ERBB4: variants seen among roughly 807,000 people sequenced by gnomAD.
ERBB4 encodes erb-b2 receptor tyrosine kinase 4, also known as receptor tyrosine-protein kinase erbB-4.
ERBB4 carries 42 observed loss-of-function variants against 158.0 expected under a neutral mutation model. The observed-to-expected ratio is 0.27, with a 90% CI of 0.21 to 0.34. The LOEUF is 0.34. ERBB4 is among the 10% of genes least tolerant of loss of function. The probability of loss-of-function intolerance (pLI) is 1.00; values close to 1 mark genes in which losing one functional copy is unlikely to be tolerated. For missense variants in ERBB4, 1,333 were observed against 1,624.1 expected (o/e 0.82, Z 3.08); for synonymous variants, 583 against 558.7 (o/e 1.04, Z -0.61).
chr2:211,861,881 T>C (rs1043168309), intron 3 of ERBB4, among the ~76,000 whole-genome samples: 1 of 139,852 alleles, frequency 7.2e-6, no homozygotes, highest in Non-Finnish European at 1.6e-5. Flanking sequence ...TAAAATGAAA[T>C]GCTAATTTTT....
At position 211,750,716 on chromosome 2, in the gene ERBB4, G is replaced by A. The variant is rs373216040; in HGVS notation, c.557-12C>T. ...ATGGCAACGTCCACCTGCAGAACACGAAAAGGGAAAAAGGACATGCACGTT... is the reference window on the plus strand; with the variant it reads ...ATGGCAACGTCCACCTGCAGAACACAAAAAGGGAAAAAGGACATGCACGTT... On this transcript the variant is annotated splice_polypyrimidine_tract_variant and intron_variant, in intron 4 of 27. Transcript: ENST00000342788. The A allele has an allele frequency of 1.7e-5, 27 of 1,611,986 alleles. No homozygotes were observed. The Admixed American group carries it at 2.0e-4, about 12-fold the overall frequency.
chr2:211,862,454 G>A (rs1468564902), intron 3 of ERBB4, among the ~76,000 whole-genome samples: 1 of 151,696 alleles, frequency 6.6e-6, no homozygotes, highest in South Asian at 2.1e-4. Context: ...CAATTTTCCA[G>A]AGATTCCTGT....
intron 1 of ERBB4, among the ~76,000 whole-genome samples, chr2:212,340,989 T>C (rs1262441405): frequency 6.6e-6 from 1 of 152,300 alleles, no homozygotes; most frequent in African/African-American, 2.4e-5. Context: ...TAGGGCTCTT[T>C]GCTTTATTTG....
chr2:212,238,578 A>G lies in ERBB4; in HGVS notation c.83-113675T>C, dbSNP rs1194462706. Among the ~76,000 whole-genome samples the G allele has an allele frequency of 2.0e-5, 3 of 152,210 alleles. No homozygotes were observed. In the East Asian group the frequency reaches 5.8e-4, roughly 29 times the overall value. ...TAAATTTCAAACTTAAATAGTTTTT[A>G]AAATGAAGAGCTTGATTGAAAACTA... On this transcript the variant is annotated intron_variant, in intron 1 of 27. Transcript: ENST00000342788.
intron 4 of ERBB4, among the ~76,000 whole-genome samples, chr2:211,783,721 C>T (rs530613526): frequency 6.6e-6 from 1 of 152,284 alleles, no homozygotes; most frequent in African/African-American, 2.4e-5. Flanking sequence ...ATGAAGCCCA[C>T]TTGATCATGG....
chr2:211,565,694 G>C (rs1399873772), intron 19 of ERBB4, among the ~76,000 whole-genome samples: 2 of 152,164 alleles, frequency 1.3e-5, no homozygotes, highest in African/African-American at 4.8e-5. Flanking sequence ...TGCAGTGTTT[G>C]ATGGGGTATG....
At chr2:211,560,479 G>C (rs1247715658) in intron 20 of ERBB4, among the ~76,000 whole-genome samples, 1 of 151,290 alleles carries the variant, frequency 6.6e-6, no homozygotes, top group Non-Finnish European at 1.5e-5. Context: ...TCTCCATGTT[G>C]GTCAGGCTGG....
At chr2:212,283,714 C>T (rs1380077404) in intron 1 of ERBB4, among the ~76,000 whole-genome samples, 2 of 151,944 alleles carry the variant, frequency 1.3e-5, no homozygotes, top group African/African-American at 4.8e-5. Flanking sequence ...TGATTTATTT[C>T]ATCAAAATGG....
intron 1 of ERBB4, among the ~76,000 whole-genome samples, chr2:212,486,496 G>C (rs1689988974): frequency 6.6e-6 from 1 of 152,138 alleles, no homozygotes; most frequent in Admixed American, 6.6e-5. Context: ...ATTACTCTAA[G>C]TTTTAATTAA....
intron 20 of ERBB4, among the ~76,000 whole-genome samples, chr2:211,467,801 C>T (rs2064731394): frequency 6.6e-6 from 1 of 152,170 alleles, no homozygotes; most frequent in Non-Finnish European, 1.5e-5. Flanking sequence ...TCTCCTCCAA[C>T]CCACCAAAGG....
intron 1 of ERBB4, among the ~76,000 whole-genome samples, chr2:212,169,877 G>T (rs1027317751): frequency 6.6e-6 from 1 of 152,244 alleles, no homozygotes; most frequent in African/African-American, 2.4e-5. Context: ...ATGATTGTAG[G>T]TTTCCTGAGG....
chr2:211,550,552 A>G (rs952241702), intron 20 of ERBB4, among the ~76,000 whole-genome samples: 1 of 145,314 alleles, frequency 6.9e-6, no homozygotes, highest in Admixed American at 6.8e-5. Context: ...AGCCTCCATA[A>G]TCTCATGAGC....
intron 1 of ERBB4, among the ~76,000 whole-genome samples, chr2:212,344,987 C>G (rs2088912283): frequency 1.3e-5 from 2 of 151,986 alleles, no homozygotes; most frequent in East Asian, 1.9e-4. Context: ...ACAGGTCGGG[C>G]GTGGTGGGTC....
At chr2:211,743,868 A>C (rs947372908) in intron 5 of ERBB4, among the ~76,000 whole-genome samples, 1 of 152,212 alleles carries the variant, frequency 6.6e-6, no homozygotes, top group East Asian at 1.9e-4. Flanking sequence ...GTGTCCAATC[A>C]TAAGTTCTAT....
intron 20 of ERBB4, among the ~76,000 whole-genome samples, chr2:211,495,312 T>C (rs1384069339): frequency 6.6e-6 from 1 of 152,086 alleles, no homozygotes; most frequent in Non-Finnish European, 1.5e-5. Flanking sequence ...TTGTTAAAGA[T>C]AGACTGAATA....
intron 20 of ERBB4, among the ~76,000 whole-genome samples, chr2:211,479,402 A>G (rs1413279267): frequency 6.6e-6 from 1 of 152,128 alleles, no homozygotes; most frequent in African/African-American, 2.4e-5. Context: ...TATTTCTATC[A>G]TTCTTATAAT....
At chr2:212,078,111 G>A (rs908538903) in intron 2 of ERBB4, among the ~76,000 whole-genome samples, 7 of 151,980 alleles carry the variant, frequency 4.6e-5, no homozygotes, top group Non-Finnish European at 1.0e-4. Context: ...ATTATTTAAT[G>A]TTACTTATTT....
At chr2:212,471,430 T>C (rs553314585) in intron 1 of ERBB4, among the ~76,000 whole-genome samples, 7 of 152,002 alleles carry the variant, frequency 4.6e-5, no homozygotes, top group African/African-American at 1.7e-4. Context: ...TAAGAAATTG[T>C]CCAAAATATT....
chr2:211,921,835 T>C (rs1448968566), intron 3 of ERBB4, among the ~76,000 whole-genome samples: 1 of 152,108 alleles, frequency 6.6e-6, no homozygotes, highest in African/African-American at 2.4e-5. Flanking sequence ...TTATTTCACC[T>C]ATTCTAAGGT....
Sources: allele counts gnomAD v4.1 joint callset (sites outside exome capture counted in the v4.1 genomes callset), GRCh38; gene constraint gnomAD v4.1.1; transcripts MANE v1.5; gene names NCBI Gene and HGNC (gene_info 2026-07-23, HGNC 2026-07-21).